The following ROBO2 variants were observed in gnomAD, a reference collection of about 807,000 sequenced individuals.
ROBO2 encodes roundabout homolog 2.
ROBO2 carries 53 observed loss-of-function variants against 160.8 expected under a neutral mutation model. That is an observed-to-expected ratio of 0.33 (90% CI 0.26 to 0.41). The LOEUF (loss-of-function observed/expected upper bound fraction) is 0.41. ROBO2 is among the 10% of genes least tolerant of loss of function. ROBO2 has a pLI of 1.00. For synonymous variants in ROBO2, 664 were observed against 611.7 expected (o/e 1.09, Z -1.26); for missense variants, 1,577 against 1,722.4 (o/e 0.92, Z 1.49).
At chr3:75,966,056 A>T (rs1001235357) in intron 2 of ROBO2, among the ~76,000 whole-genome samples, 1 of 151,726 alleles carries the variant, frequency 6.6e-6, no homozygotes, top group African/African-American at 2.4e-5. Flanking sequence ...TTTCTGCGAG[A>T]GGTCACAAGC....
chr3:77,465,727 G>A (rs1445077137), intron 2 of ROBO2, among the ~76,000 whole-genome samples: 1 of 152,120 alleles, frequency 6.6e-6, no homozygotes, highest in Non-Finnish European at 1.5e-5. Flanking sequence ...TTCTCTTCAT[G>A]AGAACTCAGT....
intron 2 of ROBO2, among the ~76,000 whole-genome samples, chr3:75,958,689 G>A (rs1948801848): frequency 6.6e-6 from 1 of 151,618 alleles, no homozygotes; most frequent in Non-Finnish European, 1.5e-5. Context: ...TATTATCAAT[G>A]GGAAAATATT....
chr3:77,146,618 T>A (rs892656709), intron 2 of ROBO2, among the ~76,000 whole-genome samples: 3 of 152,012 alleles, frequency 2.0e-5, no homozygotes, highest in African/African-American at 7.2e-5. Context: ...TTGCAAAAAA[T>A]TGTCTAATTT....
chr3:76,079,147 G>A (rs1007500453), intron 2 of ROBO2, among the ~76,000 whole-genome samples: 1 of 152,160 alleles, frequency 6.6e-6, no homozygotes, highest in Admixed American at 6.5e-5. Flanking sequence ...AAACTGGGAA[G>A]GGTAGTGAAG....
rs374669479 is a variant in ROBO2 at position 77,135,698 on chromosome 3, C to A, written c.388+37358C>A. Among the ~76,000 whole-genome samples, 4 of 152,204 alleles carry A rather than the reference C, an allele frequency of 2.6e-5. No homozygotes were observed. The South Asian group carries it at 8.3e-4, about 32-fold the overall frequency. On this transcript the variant is annotated intron_variant, in intron 2 of 25. Coordinates refer to ENST00000461745, the Ensembl canonical transcript of ROBO2. ...TGCTGGGATTTACAAGCGTGAGCCA[C>A]CACACCCAGCCGCAATATCTTAATA...
At chr3:77,354,554 A>G (rs1237929992) in intron 2 of ROBO2, among the ~76,000 whole-genome samples, 1 of 152,202 alleles carries the variant, frequency 6.6e-6, no homozygotes, top group Non-Finnish European at 1.5e-5. Context: ...TAGATGAAGA[A>G]TTTGGGGAAA....
At position 76,163,362 on chromosome 3, in the gene ROBO2, C is replaced by T. The variant is rs75496335; in HGVS notation, c.109+225760C>T. ...GGAGATTTTCTAATACTGAGAATAC[C>T]TTAATTCTTATTGTAAGCCTACTTA... On this transcript the variant is annotated intron_variant, in intron 2 of 26. Transcript: ENST00000487694. Among the ~76,000 whole-genome samples the T allele has an allele frequency of 3.5e-3, 531 of 151,434 alleles. 8 individuals carry two copies. The highest frequency in any genetic ancestry group is 0.027 in the Admixed American group (403 of 15,200).
intron 2 of ROBO2, among the ~76,000 whole-genome samples, chr3:76,837,668 A>G (rs189698973): frequency 1.3e-5 from 2 of 151,806 alleles, no homozygotes; most frequent in East Asian, 1.9e-4. Context: ...GTTGTTGTTG[A>G]CTCATTTGCA....
chr3:76,800,634 T>C (rs749814303), intron 2 of ROBO2, among the ~76,000 whole-genome samples: 6 of 152,100 alleles, frequency 3.9e-5, no homozygotes, highest in Admixed American at 6.5e-5. Flanking sequence ...CTCAAGATTA[T>C]TGATCATCAG....
intron 2 of ROBO2, among the ~76,000 whole-genome samples, chr3:76,656,924 ATTTAGTC>A (rs1214528886): frequency 6.6e-6 from 1 of 152,030 alleles, no homozygotes; most frequent in Non-Finnish European, 1.5e-5. Flanking sequence ...CTGGCTGTCT[ATTTAGTC>A]TTTAACTGGC....
chr3:76,408,544 C>G (rs575862562), intron 2 of ROBO2, among the ~76,000 whole-genome samples: 2 of 152,040 alleles, frequency 1.3e-5, no homozygotes, highest in Non-Finnish European at 2.9e-5. Flanking sequence ...TTAAGCAAAT[C>G]TATTCATTTC....
At chr3:77,273,697 T>C (rs2059646415) in intron 2 of ROBO2, among the ~76,000 whole-genome samples, 2 of 152,320 alleles carry the variant, frequency 1.3e-5, no homozygotes, top group South Asian at 4.1e-4. Context: ...AATGACTATA[T>C]GCTTAATGGT....
At chr3:77,602,101 C>A in intron 19 of ROBO2, 109 bp from the exon 21 acceptor site, 2 of 1,133,070 alleles carry the variant, frequency 1.8e-6, no homozygotes, top group Non-Finnish European at 2.7e-6. Flanking sequence ...CCCATCTCAG[C>A]TGAAATGCAA....
chr3:76,976,815 G>A (rs1293421307), intron 2 of ROBO2, among the ~76,000 whole-genome samples: 4 of 152,204 alleles, frequency 2.6e-5, no homozygotes, highest in Non-Finnish European at 5.9e-5. Flanking sequence ...TTTATATCAG[G>A]CAATGCAAAC....
rs548632892 is a variant in ROBO2 at position 76,465,177 on chromosome 3, C to T, written c.109+527575C>T. On this transcript the variant is annotated intron_variant, in intron 2 of 26. Transcript: ENST00000487694. ...AAAGTGTATTGAAGATAGAAGACAT[C>T]TACAGGAACTGGTTTCCCTTTTTAT... 3.9e-5 allele frequency among the ~76,000 whole-genome samples: 6 copies of T among 152,026 alleles called. No individual in the cohort carries two copies. In the South Asian group the frequency reaches 1.2e-3, roughly 32 times the overall value.
intron 2 of ROBO2, among the ~76,000 whole-genome samples, chr3:76,775,329 A>G (rs2062177783): frequency 6.6e-6 from 1 of 150,772 alleles, no homozygotes; most frequent in Non-Finnish European, 1.5e-5. Context: ...AAAACTCTTC[A>G]AAAGTATTTC....
chr3:77,289,749 A>G (rs1034814901), intron 2 of ROBO2, among the ~76,000 whole-genome samples: 4 of 151,556 alleles, frequency 2.6e-5, no homozygotes, highest in Non-Finnish European at 5.9e-5. Flanking sequence ...TAGATCACTG[A>G]AGACATAAAG....
intron 2 of ROBO2, among the ~76,000 whole-genome samples, chr3:77,446,476 GA>G (rs555177605): frequency 9.2e-5 from 14 of 151,924 alleles, no homozygotes; most frequent in Admixed American, 3.9e-4. Context: ...GCAGCTAACA[GA>G]AAAAAAGTAC....
chr3:77,180,388 T>TTC (rs369947015), intron 2 of ROBO2, among the ~76,000 whole-genome samples: 1,850 of 99,372 alleles, frequency 0.019, 49 homozygotes, highest in South Asian at 0.029. Context: ...ACCTTTTGAA[T>TTC]TCTCTCTCTC....
Sources: allele counts gnomAD v4.1 joint callset (sites outside exome capture counted in the v4.1 genomes callset), GRCh38; gene constraint gnomAD v4.1.1; transcripts MANE v1.5; gene names NCBI Gene and HGNC (gene_info 2026-07-23, HGNC 2026-07-21).